Variants in KLF8 observed in about 807,000 individuals in gnomAD.
The protein encoded by KLF8 is KLF transcription factor 8.
Under a neutral mutation model 18.2 loss-of-function variants are expected in KLF8, and 10 were observed. The ratio of observed to expected loss-of-function variants is 0.55; its 90% confidence interval spans 0.34 to 0.93. The LOEUF (loss-of-function observed/expected upper bound fraction) is 0.93, where lower values mean the gene tolerates loss of function less well. Among genes scored for constraint, KLF8 ranks in the 40% least tolerant of loss-of-function variants. The pLI is 0.02. For synonymous variants in KLF8, 109 were observed against 97.3 expected (o/e 1.12, Z -0.71); for missense variants, 264 against 277.9 (o/e 0.95, Z 0.36).
the KLF8 span, among the ~76,000 whole-genome samples, chrX:56,078,143 T>G: frequency 2.7e-5 from 3 of 111,792 alleles, no homozygotes; most frequent in African/African-American, 9.8e-5. Context: ...TTCCTTCTCC[T>G]GCCTAATTGC....
At chrX:56,220,763 C>T in the KLF8 span, among the ~76,000 whole-genome samples, 1 of 112,756 alleles carries the variant, frequency 8.9e-6, no homozygotes, top group Non-Finnish European at 1.9e-5. Flanking sequence ...GCTGGGATTA[C>T]TGGCATGAGC....
the KLF8 span, among the ~76,000 whole-genome samples, chrX:56,035,839 G>T: frequency 9.0e-6 from 1 of 111,618 alleles, no homozygotes; most frequent in East Asian, 2.8e-4. Context: ...TTGCTGTTGA[G>T]ATGTTTGAGT....
the KLF8 span, among the ~76,000 whole-genome samples, chrX:56,034,942 A>G: frequency 9.3e-6 from 1 of 107,044 alleles, no homozygotes; most frequent in Non-Finnish European, 1.9e-5. Context: ...TTTTTAGTAG[A>G]GACGGGGTTT....
the KLF8 span, among the ~76,000 whole-genome samples, chrX:56,057,993 ATTC>A: frequency 4.1e-4 from 43 of 104,730 alleles, no homozygotes; most frequent in African/African-American, 1.3e-3. Flanking sequence ...GAACTCATGC[ATTC>A]TTCTGGAGTT....
chrX:55,955,063 G>C, the KLF8 span, among the ~76,000 whole-genome samples: 1 of 111,545 alleles, frequency 9.0e-6, no homozygotes, highest in Admixed American at 9.6e-5. Flanking sequence ...AAATTGGATT[G>C]TGATGAGAGT....
At chrX:55,938,923 G>A in the KLF8 span, among the ~76,000 whole-genome samples, 27 of 111,590 alleles carry the variant, frequency 2.4e-4, no homozygotes, top group Non-Finnish European at 1.9e-5. Context: ...CACAATAATA[G>A]TGTGTCACTT....
intron 5 of KLF8, among the ~76,000 whole-genome samples, chrX:56,278,998 C>G (rs1367593112): frequency 9.0e-6 from 1 of 111,542 alleles, no homozygotes; most frequent in African/African-American, 3.3e-5. Flanking sequence ...CTGAAGCACA[C>G]AGATTCTCTC....
At chrX:56,048,991 G>A in the KLF8 span, among the ~76,000 whole-genome samples, 11 of 111,401 alleles carry the variant, frequency 9.9e-5, no homozygotes, top group Non-Finnish European at 2.1e-4. Context: ...CACATCCCTT[G>A]TAAGTTGGAT....
chrX:56,175,413 G>A, the KLF8 span, among the ~76,000 whole-genome samples: 696 of 112,021 alleles, frequency 6.2e-3, 4 homozygotes, highest in African/African-American at 0.022. Flanking sequence ...GGCTTTGAGT[G>A]AGTTTCTTAG....
chrX:55,959,492 A>G, the KLF8 span, among the ~76,000 whole-genome samples: 1 of 112,253 alleles, frequency 8.9e-6, no homozygotes, highest in Non-Finnish European at 1.9e-5. Flanking sequence ...GTTGAAACCC[A>G]TTCTAAGGAA....
At chrX:56,239,647 G>T (rs1331263101) in intron 1 of KLF8, among the ~76,000 whole-genome samples, 2 of 111,749 alleles carry the variant, frequency 1.8e-5, no homozygotes, top group Non-Finnish European at 3.8e-5. Flanking sequence ...TCATCAGAAA[G>T]TTCCCCTTTA....
intron 2 of KLF8, among the ~76,000 whole-genome samples, chrX:56,262,614 A>T (rs956735219): frequency 2.5e-4 from 28 of 111,439 alleles, no homozygotes; most frequent in African/African-American, 8.5e-4. Context: ...ATACACCTGC[A>T]CCCACAACTA....
the KLF8 span, among the ~76,000 whole-genome samples, chrX:56,070,695 G>T: frequency 9.0e-6 from 1 of 111,120 alleles, no homozygotes; most frequent in Non-Finnish European, 1.9e-5. Context: ...TTGAGGACAG[G>T]TCAATAGGTG....
chrX:56,088,858 A>T, the KLF8 span, among the ~76,000 whole-genome samples: 2 of 111,503 alleles, frequency 1.8e-5, no homozygotes, highest in African/African-American at 6.5e-5. Context: ...CCTCACTATG[A>T]TTTCTCAAGC....
At chrX:56,103,103 G>T in the KLF8 span, among the ~76,000 whole-genome samples, 2 of 109,924 alleles carry the variant, frequency 1.8e-5, no homozygotes, top group African/African-American at 6.6e-5. Context: ...ATGCTGTTTT[G>T]GTTACTGTAG....
the KLF8 span, chrX:55,961,240 C>T: frequency 3.2e-6 from 1 of 312,333 alleles, no homozygotes; most frequent in African/African-American, 2.7e-5. Context: ...ATGTCCTCTC[C>T]AGGATCCCCA....
At chrX:56,142,527 C>T in the KLF8 span, among the ~76,000 whole-genome samples, 1 of 111,337 alleles carries the variant, frequency 9.0e-6, no homozygotes, top group Non-Finnish European at 1.9e-5. Flanking sequence ...CCTATGCCTT[C>T]ACATGCCATC....
chrX:56,050,518 G>T, the KLF8 span, among the ~76,000 whole-genome samples: 75 of 111,890 alleles, frequency 6.7e-4, no homozygotes, highest in Non-Finnish European at 1.2e-3. Flanking sequence ...CCTTCATTTT[G>T]TTATGTACCC....
At chrX:56,074,747 A>T in the KLF8 span, 1 of 149,229 alleles carries the variant, frequency 6.7e-6, no homozygotes, top group Non-Finnish European at 1.3e-5. Flanking sequence ...GTTCTTTTTC[A>T]TGATTATTCA....
Sources: gnomAD v4.1 joint callset for allele counts (sites outside exome capture counted in the v4.1 genomes callset) on GRCh38, gnomAD v4.1.1 for gene constraint, MANE v1.5 for transcripts, NCBI Gene and HGNC (gene_info 2026-07-23, HGNC 2026-07-21) for gene names.